Variants in PRPF8 observed in about 807,000 individuals in gnomAD.
The protein encoded by PRPF8 is pre-mRNA processing factor 8, also known as pre-mRNA-processing-splicing factor 8.
Under a neutral mutation model 285.9 loss-of-function variants are expected in PRPF8, and 64 were observed. The ratio of observed to expected loss-of-function variants is 0.22; its 90% confidence interval spans 0.18 to 0.28. The LOEUF is 0.28. Ranked by LOEUF, PRPF8 falls within the 10% of genes least tolerant of loss-of-function variation. PRPF8 has a pLI of 1.00. For synonymous variants in PRPF8, 1,325 were observed against 1,118.2 expected (o/e 1.18, Z -3.69); for missense variants, 1,426 against 3,026.7 (o/e 0.47, Z 12.41).
chr17:1,664,940 G>T (rs8064384), intron 24 of PRPF8, among the ~76,000 whole-genome samples: 1 of 151,804 alleles, frequency 6.6e-6, no homozygotes, highest in African/African-American at 2.4e-5. Context: ...GGTGAATCAC[G>T]AGGTCACGAG....
At chr17:1,662,855 AG>A (rs1197522366) in intron 24 of PRPF8, among the ~76,000 whole-genome samples, 2 of 148,118 alleles carry the variant, frequency 1.4e-5, no homozygotes, top group Admixed American at 1.3e-4. Flanking sequence ...GAAAAGAAAA[AG>A]AAAAAAAAAA....
intron 24 of PRPF8, among the ~76,000 whole-genome samples, chr17:1,669,401 A>G (rs916802135): frequency 1.3e-5 from 2 of 152,158 alleles, no homozygotes; most frequent in East Asian, 1.9e-4. Context: ...CACTGTGTCC[A>G]GCCAATTCCA....
In PRPF8 at chr17:1,659,524, G is replaced by C; in HGVS notation, c.4971C>G (p.Thr1657=). 6.2e-7 allele frequency: 1 copy of C among 1,614,148 alleles called. No individual in the cohort carries two copies. Among genetic ancestry groups the C allele is most frequent in the South Asian group, 1.1e-5 (1 of 91,078 alleles). The change falls in exon 32 of 43, where the codon ACC becomes ACG. Residue 1657 remains threonine (T), a synonymous_variant. Transcript: ENST00000304992. This position sits in a 1 kb window ranked among gnomAD's most constrained non-coding sequence, Gnocchi z 5.1. ...DSKDVMDSTT[T]QKYWIDIQLR... is the part of the protein sequence containing the mutation. ...ACTGGATGTCAATCCAGTATTTCTG[G>C]GTGGTGGTGCTGTCCATCACATCCC...
rs1302395114 is a variant in PRPF8, at chr17:1,660,570, T to A, written c.4647A>T (p.Val1549=). The change falls in exon 30 of 43, where the codon GTA becomes GTT. Residue 1549 remains valine, a synonymous_variant. Coordinates refer to ENST00000304992, the MANE Select transcript of PRPF8 (RefSeq NM_006445.4). ...SPTINRANVY[V]GFQVQLDLTG... The stretch of plus-strand genomic sequence containing the variant: ...TCAGGTCTAGCTGCACCTGAAAGCC[T>A]ACATATACCTGCCAGGAAAACGACA... 1.2e-6 allele frequency: 2 copies of A among 1,614,186 alleles called. No homozygotes were observed. Among genetic ancestry groups the A allele is most frequent in the South Asian group, 2.2e-5 (2 of 91,088 alleles).
chr17:1,668,787 C>G lies in PRPF8; in HGVS notation c.3774+4294G>C, dbSNP rs1311101065. Among the ~76,000 whole-genome samples the G allele has an allele frequency of 2.0e-5, 3 of 152,140 alleles. No homozygotes were observed. In the East Asian group the frequency reaches 5.8e-4, roughly 29 times the overall value. On this transcript the variant is annotated intron_variant, in intron 24 of 42. Transcript: ENST00000304992. ...CTTCTGCATCCCTGTCACTGAGTAG[C>G]TGGGTGATTCTGGGAAAAACAAATG...
chr17:1,678,451 C>G (rs746723084), intron 13 of PRPF8, 67 bp downstream of exon 13: 24 of 1,607,476 alleles, frequency 1.5e-5, no homozygotes, highest in Non-Finnish European at 2.0e-5. Context: ...CCATTGCACA[C>G]CAGCCCAAGA....
chr17:1,659,369 T>C lies in PRPF8; in HGVS notation c.5126A>G (p.Tyr1709Cys), dbSNP rs1911567177. 6.2e-7 allele frequency: 1 copy of C among 1,613,912 alleles called. No individual in the cohort carries two copies. The highest frequency in any genetic ancestry group is 8.5e-7 in the Non-Finnish European group (1 of 1,180,020). Residue 1709 changes from tyrosine (Y) to cysteine (C), a missense_variant, in exon 32 of 43, where the codon TAT becomes TGT. Coordinates refer to ENST00000304992, the MANE Select transcript of PRPF8 (RefSeq NM_006445.4). The surrounding 1 kb of genome is among the most constrained non-coding windows in gnomAD (Gnocchi z 5.1). ...AGCCTCAACTCACCTGTGCAAGTTA[T>C]AGGCCAGGTCAATGGCGATGAGTAC... ...TGVLIAIDLA[Y>C]NLHSAYGNWF...
In PRPF8 at chr17:1,660,508, T is replaced by G; in HGVS notation, c.4709A>C (p.Lys1570Thr). Reference sequence around the variant, plus strand: ...TCGGAAGATCTGGATGAGAGAGATCTTCAGCGTGGGGATCTTGCCGTGCAT... The same window carrying G: ...TCGGAAGATCTGGATGAGAGAGATCGTCAGCGTGGGGATCTTGCCGTGCAT... ...IFMHGKIPTL[K>T]ISLIQIFRAH... The change falls in exon 30 of 43, where the codon AAG (lysine) becomes ACG (threonine). Residue 1570 changes from lysine to threonine, a missense_variant. Transcript: ENST00000304992. 6.2e-7 allele frequency: 1 copy of G among 1,614,232 alleles called. No homozygotes were observed. Among genetic ancestry groups the G allele is most frequent in the Non-Finnish European group, 8.5e-7 (1 of 1,180,038 alleles).
intron 1 of PRPF8, 92 bp downstream of exon 1, chr17:1,684,688 T>C (rs573158039): frequency 9.6e-7 from 1 of 1,040,986 alleles, no homozygotes; most frequent in East Asian, 2.6e-5. Context: ...CGCCACACAG[T>C]GCATCCAGCC....
intron 24 of PRPF8, among the ~76,000 whole-genome samples, chr17:1,667,131 C>T (rs1912032657): frequency 6.6e-6 from 1 of 151,942 alleles, no homozygotes; most frequent in Non-Finnish European, 1.5e-5. Flanking sequence ...TGAAATTGTG[C>T]CACTGCACTC....
rs1256709456 is a variant in PRPF8, at chr17:1,684,467, C to T, written c.100+5G>A. 28 of 1,612,626 alleles carry T rather than the reference C, an allele frequency of 1.7e-5. No individual in the cohort carries two copies. The highest frequency in any genetic ancestry group is 2.4e-5 in the Non-Finnish European group (28 of 1,179,694). On this transcript the variant is annotated splice_donor_5th_base_variant and intron_variant, in intron 2 of 42. Coordinates refer to ENST00000304992, the MANE Select transcript of PRPF8 (RefSeq NM_006445.4). The stretch of plus-strand genomic sequence containing the variant: ...CCCGCGCGCCGCTCCACACTCTCGC[C>T]TCACCTTTCTCCTGCAGCTTCTCCT...
chr17:1,664,501 C>T (rs147207078), intron 24 of PRPF8, among the ~76,000 whole-genome samples: 1 of 152,116 alleles, frequency 6.6e-6, no homozygotes, highest in Non-Finnish European at 1.5e-5. Context: ...AGACTGTACG[C>T]TAGGACATCA....
chr17:1,672,143 T>C (rs151274939), intron 24 of PRPF8, among the ~76,000 whole-genome samples: 1 of 152,320 alleles, frequency 6.6e-6, no homozygotes, highest in East Asian at 1.9e-4. Flanking sequence ...AACGTATCCT[T>C]AACAGACTTA....
chr17:1,653,531 C>T lies in PRPF8; in HGVS notation c.6369+11G>A, dbSNP rs745839287. ...GCACACACTGTGGCCTAGCTGAGTC[C>T]ACTTACTCACTTGGGCCCGAAGGTC... On this transcript the variant is annotated intron_variant, in intron 39 of 42. Transcript: ENST00000304992. This position sits in a 1 kb window ranked among gnomAD's most constrained non-coding sequence, Gnocchi z 4.9. The T allele has an allele frequency of 2.5e-6, 4 of 1,614,054 alleles. No individual in the cohort carries two copies. The African/African-American group carries it at 4.0e-5, about 16-fold the overall frequency.
chr17:1,654,017 C>T lies in PRPF8; in HGVS notation c.5988-1G>A. ...TTGTGTCAGTGATGCCACGTTCACA[C>T]TGTGGGGATGGTGTGGGTTATATTA... On this transcript the variant is annotated splice_acceptor_variant, in intron 37 of 42. Coordinates refer to ENST00000304992, the MANE Select transcript of PRPF8 (RefSeq NM_006445.4). LOFTEE classifies it high-confidence loss of function. 6.2e-7 allele frequency: 1 copy of T among 1,614,186 alleles called. No individual in the cohort carries two copies. Among genetic ancestry groups the T allele is most frequent in the Non-Finnish European group, 8.5e-7 (1 of 1,180,044 alleles).
rs1240356490 is a variant in PRPF8 at position 1,653,287 on chromosome 17, A to AT, written c.6369+254dup. The AT allele has an allele frequency of 3.3e-6, 2 of 598,864 alleles. No homozygotes were observed. The highest frequency in any genetic ancestry group is 6.0e-6 in the Non-Finnish European group (2 of 334,562). 37.1% of individuals were successfully genotyped at this position (598,864 alleles called of 1,614,324 possible). The stretch of plus-strand genomic sequence containing the variant: ...AGCCAGCACGCACACCTGGTCAGGA[A>AT]TTTGTTTCTGACCATATCTGTTCTC... On this transcript the variant is annotated intron_variant, in intron 39 of 42. Transcript: ENST00000304992. The surrounding 1 kb of genome is among the most constrained non-coding windows in gnomAD (Gnocchi z 4.9).
rs1252215334 is a variant in PRPF8, at chr17:1,653,688, A to C, written c.6228-5T>G. 1 of 1,613,966 alleles carries C rather than the reference A, an allele frequency of 6.2e-7. No individual in the cohort carries two copies. Among genetic ancestry groups the C allele is most frequent in the Non-Finnish European group, 8.5e-7 (1 of 1,180,026 alleles). Reference sequence around the variant, plus strand: ...AGGTTGGCAGCAGAGATGGCCCTAAAAACAGGCAGGGAGTGTCAGCATCGC... The same window carrying C: ...AGGTTGGCAGCAGAGATGGCCCTAACAACAGGCAGGGAGTGTCAGCATCGC... On this transcript the variant is annotated splice_polypyrimidine_tract_variant and splice_region_variant and intron_variant, in intron 38 of 42. Transcript: ENST00000304992. The surrounding 1 kb of genome is among the most constrained non-coding windows in gnomAD (Gnocchi z 4.9).
chr17:1,657,712 G>C (rs1386423274), intron 34 of PRPF8, among the ~76,000 whole-genome samples: 3 of 136,418 alleles, frequency 2.2e-5, no homozygotes, highest in African/African-American at 1.0e-4. Flanking sequence ...CCTGTAATCC[G>C]AGCACTTTGG....
chr17:1,673,966 A>G lies in PRPF8; in HGVS notation c.3300-74T>C. ...GGACACCCACAAGTCCTCCAGCTCA[A>G]TAGACGGAGACCCCACCCCATCCTA... On this transcript the variant is annotated intron_variant, in intron 21 of 42. Transcript: ENST00000304992. This position sits in a 1 kb window ranked among gnomAD's most constrained non-coding sequence, Gnocchi z 5.5. 1.3e-6 allele frequency: 2 copies of G among 1,553,744 alleles called. No homozygotes were observed. The highest frequency in any genetic ancestry group is 2.2e-4 in the Middle Eastern group (1 of 4,500).
Sources: gnomAD v4.1 joint callset for allele counts (sites outside exome capture counted in the v4.1 genomes callset) on GRCh38, gnomAD v4.1.1 for gene constraint, Gnocchi (gnomAD v3.1) non-coding constraint, MANE v1.5 for transcripts, NCBI Gene and HGNC (gene_info 2026-07-23, HGNC 2026-07-21) for gene names.